GFRAL: variants seen among roughly 807,000 people sequenced by gnomAD.
GFRAL encodes GDNF family receptor alpha-like.
In GFRAL, 36 loss-of-function variants were observed where a neutral mutation model predicts 45.4. The observed-to-expected ratio is 0.79, with a 90% confidence interval of 0.61 to 1.05. The LOEUF (loss-of-function observed/expected upper bound fraction) is 1.05. Among genes scored for constraint, GFRAL ranks in the 50% least tolerant of loss-of-function variants. The pLI is 0.00. For missense variants in GFRAL, 507 were observed against 467.5 expected (o/e 1.08, Z -0.78); for synonymous variants, 166 against 154.1 (o/e 1.08, Z -0.57).
intron 6 of GFRAL, among the ~76,000 whole-genome samples, chr6:55,371,568 C>T (rs1768450566): frequency 6.6e-6 from 1 of 152,252 alleles, no homozygotes. Flanking sequence ...TTAAGTCTGA[C>T]ATTTGTCACA....
chr6:55,375,247 A>G (rs184340000), intron 6 of GFRAL, among the ~76,000 whole-genome samples: 21 of 152,224 alleles, frequency 1.4e-4, no homozygotes, highest in African/African-American at 5.1e-4. Context: ...GATTTTTCCT[A>G]TCCATGAGCA....
intron 5 of GFRAL, among the ~76,000 whole-genome samples, chr6:55,354,428 G>A: frequency 6.6e-6 from 1 of 151,958 alleles, no homozygotes; most frequent in South Asian, 2.1e-4. Flanking sequence ...ACACTTAATT[G>A]TTATATTTTA....
chr6:55,344,512 A>G (rs1056371268), intron 3 of GFRAL, among the ~76,000 whole-genome samples: 5 of 152,202 alleles, frequency 3.3e-5, no homozygotes, highest in Non-Finnish European at 7.3e-5. Context: ...AAAAACTCTC[A>G]ATAAATTAGG....
At chr6:55,342,086 T>C (rs1306490756) in intron 3 of GFRAL, among the ~76,000 whole-genome samples, 2 of 152,198 alleles carry the variant, frequency 1.3e-5, no homozygotes, top group Admixed American at 6.5e-5. Flanking sequence ...TGGAACCAAG[T>C]TGGAAAACAC....
intron 3 of GFRAL, among the ~76,000 whole-genome samples, chr6:55,348,410 T>C (rs1277637542): frequency 6.6e-6 from 1 of 152,158 alleles, no homozygotes; most frequent in African/African-American, 2.4e-5. Flanking sequence ...TGGTAACAAG[T>C]ACTCATATAG....
intron 6 of GFRAL, among the ~76,000 whole-genome samples, chr6:55,377,870 C>T (rs746803813): frequency 6.6e-6 from 1 of 151,938 alleles, no homozygotes; most frequent in Non-Finnish European, 1.5e-5. Flanking sequence ...TATCTGGGAG[C>T]ACATGTAAAG....
intron 6 of GFRAL, among the ~76,000 whole-genome samples, chr6:55,359,623 T>C (rs1308465067): frequency 6.6e-6 from 1 of 151,990 alleles, no homozygotes; most frequent in Non-Finnish European, 1.5e-5. Context: ...TAGGCTCGGC[T>C]GAGGCTGTTT....
Position 55,333,898 on chromosome 6 carries a change from T to A in GFRAL, c.270T>A (p.Tyr90Ter), listed in dbSNP as rs116685319. ...AGTGTCTTTGCACTGATGACTTCTA[T>A]TGTACTGTGAACAAACTGCTTGGAA... ...FKECLCTDDF[Y>*]CTVNKLLGKK... Residue 90 changes from tyrosine to a stop codon, truncating the protein, a stop_gained, in exon 3 of 9, where the codon TAT (tyrosine) becomes TAA (stop). Coordinates refer to ENST00000340465, the MANE Select transcript of GFRAL (RefSeq NM_207410.2). LOFTEE classifies it high-confidence loss of function. 1.2e-6 allele frequency: 2 copies of A among 1,602,038 alleles called. No individual in the cohort carries two copies. The highest frequency in any genetic ancestry group is 2.3e-5 in the South Asian group (2 of 88,730).
chr6:55,357,654 G>A (rs567549342), intron 5 of GFRAL, among the ~76,000 whole-genome samples: 1 of 151,712 alleles, frequency 6.6e-6, no homozygotes, highest in East Asian at 1.9e-4. Flanking sequence ...TTTAATTGGA[G>A]ACTTTAGTCC....
At chr6:55,373,788 C>T (rs11970350) in intron 6 of GFRAL, among the ~76,000 whole-genome samples, 12,050 of 151,592 alleles carry the variant, frequency 0.079, 640 homozygotes, top group African/African-American at 0.15. Context: ...GCAGGATATA[C>T]GGTTTGTTAC....
intron 6 of GFRAL, among the ~76,000 whole-genome samples, chr6:55,380,155 A>G (rs1373608760): frequency 6.6e-6 from 1 of 151,944 alleles, no homozygotes; most frequent in African/African-American, 2.4e-5. Flanking sequence ...TGGGATTGCT[A>G]GGTCATTTGG....
At chr6:55,361,361 A>T (rs1316634571) in intron 6 of GFRAL, among the ~76,000 whole-genome samples, 4 of 152,026 alleles carry the variant, frequency 2.6e-5, no homozygotes, top group Non-Finnish European at 5.9e-5. Flanking sequence ...AAAATGGTGT[A>T]GTATTTGCAT....
rs193119119 is a variant in GFRAL, at chr6:55,367,369, C to T, written c.952+8231C>T. On this transcript the variant is annotated intron_variant, in intron 6 of 8. Coordinates refer to ENST00000340465, the MANE Select transcript of GFRAL (RefSeq NM_207410.2). The stretch of plus-strand genomic sequence containing the variant: ...TGAGATGGGTTTCCTGAATACAGCA[C>T]GCTGATGGGTCTTGACTCTTGATCC... Among the ~76,000 whole-genome samples the T allele has an allele frequency of 3.1e-4, 44 of 143,044 alleles. 1 individual carries two copies. The East Asian group carries it at 5.6e-3, about 18-fold the overall frequency. 93.8% of individuals were successfully genotyped at this position (143,044 alleles called of 152,430 possible).
chr6:55,352,875 C>T (rs1768136353), intron 5 of GFRAL, among the ~76,000 whole-genome samples: 1 of 151,986 alleles, frequency 6.6e-6, no homozygotes, highest in South Asian at 2.1e-4. Flanking sequence ...CCTACTACTA[C>T]TCTAGGCAAT....
intron 6 of GFRAL, among the ~76,000 whole-genome samples, chr6:55,373,030 T>C (rs540643476): frequency 4.2e-4 from 62 of 147,122 alleles, no homozygotes; most frequent in South Asian, 1.1e-3. Context: ...CACCAAACAC[T>C]AACACACCCA....
intron 6 of GFRAL, among the ~76,000 whole-genome samples, chr6:55,398,866 A>G (rs1465375137): frequency 9.8e-5 from 15 of 152,314 alleles, no homozygotes; most frequent in Admixed American, 7.8e-4. Flanking sequence ...TATCCCAAAG[A>G]TGGCCTAAAG....
At chr6:55,375,270 T>C (rs1768508946) in intron 6 of GFRAL, among the ~76,000 whole-genome samples, 1 of 152,060 alleles carries the variant, frequency 6.6e-6, no homozygotes, top group Non-Finnish European at 1.5e-5. Flanking sequence ...GAATGTTTCT[T>C]CATTTGTTTG....
intron 6 of GFRAL, among the ~76,000 whole-genome samples, chr6:55,371,681 C>T (rs541095720): frequency 6.6e-6 from 1 of 152,260 alleles, no homozygotes; most frequent in Admixed American, 6.5e-5. Flanking sequence ...TTATTAAATG[C>T]TACTATACAT....
intron 6 of GFRAL, among the ~76,000 whole-genome samples, chr6:55,394,041 A>G (rs765379961): frequency 2.0e-5 from 3 of 152,182 alleles, no homozygotes; most frequent in Non-Finnish European, 2.9e-5. Flanking sequence ...TGTAAAATCA[A>G]CAAGACAAAC....
Sources: gnomAD v4.1 joint callset for allele counts (sites outside exome capture counted in the v4.1 genomes callset) on GRCh38, gnomAD v4.1.1 for gene constraint, MANE v1.5 for transcripts, NCBI Gene and HGNC (gene_info 2026-07-23, HGNC 2026-07-21) for gene names.